The following PMM2 variants were observed in gnomAD, a reference collection of about 807,000 sequenced individuals.
The protein encoded by PMM2 is mannose-6-phosphate isomerase.
PMM2 carries 35 observed loss-of-function variants against 33.2 expected under a neutral mutation model. That is an observed-to-expected ratio of 1.06 (90% CI 0.81 to 1.40). PMM2 has a LOEUF of 1.40. Ranked by LOEUF, PMM2 falls within the 40% of genes most tolerant of loss-of-function variation. The pLI, the probability that PMM2 is intolerant of heterozygous loss-of-function variation, is 0.00. For synonymous variants in PMM2, 153 were observed against 114.7 expected (o/e 1.33, Z -2.13); for missense variants, 386 against 306.0 (o/e 1.26, Z -1.95).
chr16:8,804,039 T>TTTTTTG (rs373806561), intron 2 of PMM2, among the ~76,000 whole-genome samples: 23,572 of 132,480 alleles, frequency 0.18, 2,507 homozygotes, highest in South Asian at 0.31. Context: ...TTGTTTTTTT[T>TTTTTTG]TTTTTTTTTT....
At chr16:8,823,519 A>G (rs2060749830) in intron 7 of PMM2, among the ~76,000 whole-genome samples, 1 of 152,212 alleles carries the variant, frequency 6.6e-6, no homozygotes, top group Admixed American at 6.5e-5. Context: ...TACTTGCAAA[A>G]TAAGTCATAG....
intron 7 of PMM2, among the ~76,000 whole-genome samples, chr16:8,841,887 A>G (rs987703053): frequency 3.1e-4 from 47 of 150,656 alleles, no homozygotes; most frequent in Middle Eastern, 3.4e-3. Flanking sequence ...CGGGGAGCAG[A>G]AAGTATATGC....
intron 7 of PMM2, among the ~76,000 whole-genome samples, chr16:8,831,105 C>T (rs890058454): frequency 6.6e-6 from 1 of 152,168 alleles, no homozygotes; most frequent in African/African-American, 2.4e-5. Flanking sequence ...TGCCACTGCA[C>T]TCCACCTTGG....
intron 7 of PMM2, among the ~76,000 whole-genome samples, chr16:8,834,496 G>A (rs1374538736): frequency 6.6e-6 from 1 of 151,932 alleles, no homozygotes; most frequent in Non-Finnish European, 1.5e-5. Flanking sequence ...CTTAGAGTAA[G>A]AGGTATTTTA....
chr16:8,815,348 C>T (rs1218246332), intron 7 of PMM2, among the ~76,000 whole-genome samples: 1 of 152,010 alleles, frequency 6.6e-6, no homozygotes, highest in Non-Finnish European at 1.5e-5. Flanking sequence ...GTGCCTCAGC[C>T]TCCCGATTAG....
chr16:8,810,661 C>T (rs1207316163), intron 4 of PMM2: 1 of 302,192 alleles, frequency 3.3e-6, no homozygotes, highest in African/African-American at 2.2e-5. Context: ...ACTATAACCC[C>T]TATCTCCCAG....
intron 7 of PMM2, among the ~76,000 whole-genome samples, chr16:8,818,608 G>A (rs1346906526): frequency 6.6e-6 from 1 of 152,188 alleles, no homozygotes; most frequent in Non-Finnish European, 1.5e-5. Flanking sequence ...TCTCAGCCAG[G>A]CCCTGAGGCT....
intron 7 of PMM2, among the ~76,000 whole-genome samples, chr16:8,845,182 T>C (rs1192515295): frequency 6.6e-6 from 1 of 152,000 alleles, no homozygotes; most frequent in Non-Finnish European, 1.5e-5. Flanking sequence ...GGATAGGCGG[T>C]GAAGTTAAGA....
intron 7 of PMM2, among the ~76,000 whole-genome samples, chr16:8,834,605 T>G (rs1370800456): frequency 4.6e-5 from 7 of 152,086 alleles, no homozygotes; most frequent in African/African-American, 7.3e-5. Context: ...GGGGCCTGAA[T>G]AATCCCTGAG....
chr16:8,845,080 T>C (rs11860150), intron 7 of PMM2, among the ~76,000 whole-genome samples: 90,062 of 152,030 alleles, frequency 0.59, 26,973 homozygotes, highest in East Asian at 0.66. Context: ...GTGAGCAACA[T>C]GGCTGTTTAT....
At chr16:8,836,616 C>T (rs7198614) in intron 7 of PMM2, among the ~76,000 whole-genome samples, 2 of 151,780 alleles carry the variant, frequency 1.3e-5, no homozygotes, top group South Asian at 4.2e-4. Flanking sequence ...CTATTACTGT[C>T]CACCTTGAAG....
intron 7 of PMM2, among the ~76,000 whole-genome samples, chr16:8,838,675 T>G (rs192166338): frequency 6.6e-6 from 1 of 152,090 alleles, no homozygotes; most frequent in African/African-American, 2.4e-5. Flanking sequence ...ATTGAGAAAC[T>G]AAACAGAAGA....
At chr16:8,833,293 A>C (rs1307359501) in intron 7 of PMM2, among the ~76,000 whole-genome samples, 1 of 152,146 alleles carries the variant, frequency 6.6e-6, no homozygotes, top group Non-Finnish European at 1.5e-5. Flanking sequence ...AGGGTGGGGG[A>C]GATTACAAAG....
chr16:8,820,348 C>CTTTTTTTTTTTTTTTTTTTTTTTTTTTTT (rs1451905873), intron 7 of PMM2, among the ~76,000 whole-genome samples: 1 of 131,362 alleles, frequency 7.6e-6, no homozygotes. Flanking sequence ...GGACACAGTT[C>CTTTTTTTTTTTTTTTTTTTTTTTTTTTTT]TTCTTTTTTT....
At chr16:8,814,137 G>A (rs974609904) in intron 7 of PMM2, among the ~76,000 whole-genome samples, 10 of 152,080 alleles carry the variant, frequency 6.6e-5, no homozygotes, top group Admixed American at 4.6e-4. Flanking sequence ...AAAGTTCTGG[G>A]ATGACAGGTG....
At chr16:8,815,269 G>C (rs762834178) in intron 7 of PMM2, among the ~76,000 whole-genome samples, 1 of 146,916 alleles carries the variant, frequency 6.8e-6, no homozygotes, top group Non-Finnish European at 1.5e-5. Flanking sequence ...GCCCAGGCTA[G>C]AGTGCAGTGG....
In PMM2 at chr16:8,848,004, GGA is replaced by G; in HGVS notation, c.*182_*183del. 2 of 609,910 alleles carry G rather than the reference GGA, an allele frequency of 3.3e-6. No individual in the cohort carries two copies. Among genetic ancestry groups the G allele is most frequent in the Non-Finnish European group, 5.9e-6 (2 of 338,498 alleles). 37.8% of individuals were successfully genotyped at this position (609,910 alleles called of 1,614,324 possible). On this transcript the variant is annotated 3_prime_UTR_variant, in exon 8 of 8. Transcript: ENST00000268261. ...CAGTGCCAGAAACTTCCAGAAGGAA[GGA>G]GAAAACTCTTGTCAAGAATGGCCCA...
At chr16:8,834,769 G>A (rs1429327214) in intron 7 of PMM2, among the ~76,000 whole-genome samples, 3 of 152,136 alleles carry the variant, frequency 2.0e-5, no homozygotes, top group African/African-American at 7.2e-5. Context: ...AGGCCTGGTG[G>A]AACCGCCATC....
chr16:8,814,003 A>G (rs1451174225), intron 7 of PMM2, among the ~76,000 whole-genome samples: 3 of 151,206 alleles, frequency 2.0e-5, no homozygotes, highest in Non-Finnish European at 2.9e-5. Context: ...AGTACCTGAT[A>G]TTACGGGCAT....
Sources: gnomAD v4.1 joint callset for allele counts (sites outside exome capture counted in the v4.1 genomes callset) on GRCh38, gnomAD v4.1.1 for gene constraint, MANE v1.5 for transcripts, NCBI Gene and HGNC (gene_info 2026-07-23, HGNC 2026-07-21) for gene names.